The following SOX6 variants were observed in gnomAD, a reference collection of about 807,000 sequenced individuals.
SOX6 encodes the protein transcription factor SOX-6.
In SOX6, 11 loss-of-function variants were observed where a neutral mutation model predicts 97.8. The ratio of observed to expected loss-of-function variants is 0.11; its 90% CI spans 0.07 to 0.19. The LOEUF is 0.19. Among genes scored for constraint, SOX6 ranks in the 10% least tolerant of loss-of-function variants. SOX6 has a pLI of 1.00. For missense variants in SOX6, 810 were observed against 1,039.5 expected, an observed-to-expected ratio of 0.78 and a Z score of 3.04; for synonymous variants, 360 against 371.4, an observed-to-expected ratio of 0.97 and a Z score of 0.35.
chr11:16,685,201 C>CA (rs929205511), intron 3 of SOX6, among the ~76,000 whole-genome samples: 49 of 151,872 alleles, frequency 3.2e-4, no homozygotes, highest in African/African-American at 1.0e-3. Flanking sequence ...TCTCACACTG[C>CA]AAAAAAATAA....
chr11:16,503,278 T>G (rs1860736815), intron 4 of SOX6, among the ~76,000 whole-genome samples: 1 of 144,184 alleles, frequency 6.9e-6, no homozygotes, highest in Middle Eastern at 3.6e-3. Context: ...CATGAAAGTA[T>G]AAAACTGGTA....
chr11:16,483,722 G>A (rs1434600081), intron 4 of SOX6, among the ~76,000 whole-genome samples: 4 of 152,178 alleles, frequency 2.6e-5, no homozygotes, highest in African/African-American at 7.2e-5. Context: ...GGACAAGCAG[G>A]CAACCACAGC....
At chr11:16,137,442 TA>T (rs1225290899) in intron 6 of SOX6, among the ~76,000 whole-genome samples, 3 of 151,750 alleles carry the variant, frequency 2.0e-5, no homozygotes, top group Non-Finnish European at 4.4e-5. Flanking sequence ...ATAAATAAAA[TA>T]AAATAAATAA....
intron 1 of SOX6, among the ~76,000 whole-genome samples, chr11:16,426,945 C>G (rs1859153099): frequency 6.6e-6 from 1 of 150,628 alleles, no homozygotes; most frequent in South Asian, 2.1e-4. Flanking sequence ...AACTGGATCC[C>G]TTCTTTACAC....
At chr11:16,648,725 C>A (rs902552033) in intron 3 of SOX6, among the ~76,000 whole-genome samples, 4 of 152,094 alleles carry the variant, frequency 2.6e-5, no homozygotes, top group Non-Finnish European at 5.9e-5. Context: ...GGGTTCTATA[C>A]CACCCCCAAA....
chr11:16,084,595 A>G (rs1176734060), intron 9 of SOX6, among the ~76,000 whole-genome samples: 3 of 152,168 alleles, frequency 2.0e-5, no homozygotes, highest in Non-Finnish European at 4.4e-5. Flanking sequence ...TTCACAGGAA[A>G]TTAGCTCATG....
At chr11:16,502,964 A>C (rs1039841576) in intron 4 of SOX6, among the ~76,000 whole-genome samples, 1 of 152,302 alleles carries the variant, frequency 6.6e-6, no homozygotes, top group Non-Finnish European at 1.5e-5. Context: ...CAGCAAGAGA[A>C]AAGTGCCCAG....
At chr11:16,227,190 AT>A (rs1852712301) in intron 4 of SOX6, among the ~76,000 whole-genome samples, 8 of 152,222 alleles carry the variant, frequency 5.3e-5, no homozygotes. Flanking sequence ...TTACCAAATT[AT>A]TTATTGACAG....
chr11:16,368,647 T>C (rs1053290034), intron 1 of SOX6, among the ~76,000 whole-genome samples: 1 of 152,010 alleles, frequency 6.6e-6, no homozygotes, highest in African/African-American at 2.4e-5. Context: ...TCTATAAAAC[T>C]CAGATAAGAA....
chr11:15,996,783 A>T (rs934819407), intron 13 of SOX6, among the ~76,000 whole-genome samples: 1 of 152,234 alleles, frequency 6.6e-6, no homozygotes, highest in Non-Finnish European at 1.5e-5. Flanking sequence ...AGTGAAAAAA[A>T]TACTGAAGTG....
chr11:16,131,014 A>G (rs574483463), intron 6 of SOX6, among the ~76,000 whole-genome samples: 2 of 152,136 alleles, frequency 1.3e-5, no homozygotes, highest in African/African-American at 4.8e-5. Flanking sequence ...AACGTCTAGA[A>G]GAAAACATAA....
At chr11:16,256,876 G>T (rs558728130) in intron 3 of SOX6, among the ~76,000 whole-genome samples, 2 of 151,550 alleles carry the variant, frequency 1.3e-5, no homozygotes, top group African/African-American at 4.8e-5. Flanking sequence ...CAAAATACAA[G>T]GCTAATATAC....
intron 6 of SOX6, among the ~76,000 whole-genome samples, chr11:16,129,455 C>G (rs1849686681): frequency 6.6e-6 from 1 of 152,018 alleles, no homozygotes; most frequent in South Asian, 2.1e-4. Flanking sequence ...TCATATTCCT[C>G]AAAATATACA....
chr11:16,173,016 G>A (rs1851080337), intron 6 of SOX6, among the ~76,000 whole-genome samples: 1 of 151,784 alleles, frequency 6.6e-6, no homozygotes, highest in Non-Finnish European at 1.5e-5. Context: ...TGAAATTGTG[G>A]CCTCCCAGAG....
At chr11:16,343,204 G>A (rs1427126888) in intron 1 of SOX6, among the ~76,000 whole-genome samples, 1 of 151,862 alleles carries the variant, frequency 6.6e-6, no homozygotes, top group Non-Finnish European at 1.5e-5. Context: ...TTTATCAAGA[G>A]CTTGCCACAA....
chr11:16,726,180 G>C (rs995832893), intron 2 of SOX6, among the ~76,000 whole-genome samples: 1 of 146,290 alleles, frequency 6.8e-6, no homozygotes, highest in Non-Finnish European at 1.5e-5. Flanking sequence ...AGGCCAAGGC[G>C]GGAGGATTAC....
chr11:16,148,798 C>T (rs1369614754), intron 6 of SOX6, among the ~76,000 whole-genome samples: 2 of 152,008 alleles, frequency 1.3e-5, no homozygotes, highest in African/African-American at 4.8e-5. Flanking sequence ...TATCTAACAT[C>T]AGTCCCCCAC....
chr11:16,330,759 C>T (rs1237811192), intron 2 of SOX6, among the ~76,000 whole-genome samples: 3 of 152,064 alleles, frequency 2.0e-5, no homozygotes, highest in Non-Finnish European at 4.4e-5. Flanking sequence ...TGCCAAGAGG[C>T]TTAGTCATTG....
chr11:16,481,749 T>C (rs1444789582), intron 4 of SOX6, among the ~76,000 whole-genome samples: 1 of 152,100 alleles, frequency 6.6e-6, no homozygotes. Flanking sequence ...AGTCCAGTGG[T>C]TCTCAGACTC....
Sources: allele counts gnomAD v4.1 joint callset (sites outside exome capture counted in the v4.1 genomes callset), GRCh38; gene constraint gnomAD v4.1.1; transcripts MANE v1.5; gene names NCBI Gene and HGNC (gene_info 2026-07-23, HGNC 2026-07-21).